Variants in RGS9 observed in about 807,000 individuals in gnomAD.
RGS9 encodes the protein regulator of G protein signaling 9.
RGS9 carries 78 observed loss-of-function variants against 102.0 expected under a neutral mutation model. The ratio of observed to expected loss-of-function variants is 0.76; its 90% CI spans 0.64 to 0.92. RGS9 has a LOEUF of 0.92. RGS9 is among the 40% of genes least tolerant of loss of function. The pLI is 0.00. For missense variants in RGS9, 833 were observed against 866.1 expected (o/e 0.96, Z 0.48); for synonymous variants, 353 against 318.6 (o/e 1.11, Z -1.15).
Position 65,207,950 on chromosome 17 carries a change from C to T in RGS9, c.1232C>T (p.Pro411Leu), listed in dbSNP as rs1370442160. The T allele has an allele frequency of 1.2e-6, 2 of 1,612,688 alleles. No individual in the cohort carries two copies. The highest frequency in any genetic ancestry group is 1.7e-5 in the Admixed American group (1 of 59,966). ...TCTTATGCTCGCTATTTAAAATCTC[C>T]GATCTATAAGGACATGCTGGCCAAA... Reference protein sequence around the residue: ...KDSYARYLKSPIYKDMLAKAI... With the variant: ...KDSYARYLKSLIYKDMLAKAI... The change falls in exon 16 of 19, where the codon CCG becomes CTG. Residue 411 changes from proline to leucine, a missense_variant. Physicochemically the swap from Pro to Leu is moderately conservative, Grantham distance 98. Coordinates refer to ENST00000262406, the MANE Select transcript of RGS9 (RefSeq NM_003835.4).
chr17:65,183,095 TCTATCTATCTATCTAC>T (rs1237200435), intron 9 of RGS9, among the ~76,000 whole-genome samples: 4 of 151,278 alleles, frequency 2.6e-5, no homozygotes, highest in South Asian at 2.1e-4. Context: ...TATCTATCTA[TCTATCTATCTATCTAC>T]CTACCTACCT....
chr17:65,141,298 C>T (rs1053865490), intron 1 of RGS9, among the ~76,000 whole-genome samples: 1 of 152,210 alleles, frequency 6.6e-6, no homozygotes. Flanking sequence ...GACTCTTGTT[C>T]TGGGGATGGC....
At chr17:65,152,211 G>A (rs1330839681) in intron 1 of RGS9, among the ~76,000 whole-genome samples, 2 of 152,192 alleles carry the variant, frequency 1.3e-5, no homozygotes, top group Non-Finnish European at 2.9e-5. Context: ...GACTGGCCCA[G>A]GTAGAGGGAA....
chr17:65,147,780 G>A (rs1414355173), intron 1 of RGS9, among the ~76,000 whole-genome samples: 2 of 151,536 alleles, frequency 1.3e-5, no homozygotes, highest in Non-Finnish European at 2.9e-5. Flanking sequence ...TTGTAGAGAC[G>A]GGGTTTTACC....
chr17:65,226,766 C>T (rs547094482), intron 18 of RGS9, among the ~76,000 whole-genome samples: 6 of 152,276 alleles, frequency 3.9e-5, no homozygotes, highest in African/African-American at 1.4e-4. Context: ...GCACATGCCA[C>T]CACGCCCGGC....
At chr17:65,171,093 G>A (rs190817829) in intron 8 of RGS9, among the ~76,000 whole-genome samples, 6 of 152,218 alleles carry the variant, frequency 3.9e-5, no homozygotes, top group Admixed American at 3.3e-4. Flanking sequence ...GGAGTGTCGC[G>A]GCCACTCCGT....
At chr17:65,171,135 A>T (rs1911405695) in intron 8 of RGS9, among the ~76,000 whole-genome samples, 2 of 152,178 alleles carry the variant, frequency 1.3e-5, no homozygotes, top group Non-Finnish European at 2.9e-5. Context: ...GTAGAGTGAG[A>T]CGTGGCCTGC....
chr17:65,137,974 TTTTAAAG>T (rs1369083162), intron 1 of RGS9, among the ~76,000 whole-genome samples: 1 of 152,170 alleles, frequency 6.6e-6, no homozygotes, highest in East Asian at 1.9e-4. Flanking sequence ...AACTGCACTA[TTTTAAAG>T]TGTGTGTGTG....
chr17:65,147,563 A>ATCAT (rs1049877388), intron 1 of RGS9, among the ~76,000 whole-genome samples: 3 of 127,984 alleles, frequency 2.3e-5, no homozygotes, highest in African/African-American at 1.3e-4. Context: ...ATGCACCTGG[A>ATCAT]TCATTCTCTC....
intron 17 of RGS9, among the ~76,000 whole-genome samples, chr17:65,211,470 G>T (rs747146885): frequency 6.6e-6 from 1 of 152,238 alleles, no homozygotes; most frequent in Admixed American, 6.5e-5. Flanking sequence ...TTCATGGGAA[G>T]AGGATGGTAG....
At chr17:65,217,072 G>A (rs1352740408) in intron 17 of RGS9, among the ~76,000 whole-genome samples, 1 of 152,170 alleles carries the variant, frequency 6.6e-6, no homozygotes, top group Admixed American at 6.5e-5. Flanking sequence ...GAACGGAGTG[G>A]CAGAGCTGTT....
chr17:65,225,307 G>T lies in RGS9; in HGVS notation c.1713G>T (p.Arg571Ser). ...CCTCCTGGCCTCGCAGCCGGCCCAG[G>T]GCCCCTCCTAAGGCCCGCATGGCTC... ...LDTSWPRSRP[R>S]APPKARMALS... The change falls in exon 18 of 19, where the codon AGG becomes AGT. Residue 571 changes from arginine to serine, a missense_variant. Coordinates refer to ENST00000262406, the MANE Select transcript of RGS9 (RefSeq NM_003835.4). 1 of 1,610,014 alleles carries T rather than the reference G, an allele frequency of 6.2e-7. No individual in the cohort carries two copies. The highest frequency in any genetic ancestry group is 1.1e-5 in the South Asian group (1 of 91,082).
rs184885655 is a variant in RGS9 at position 65,186,090 on chromosome 17, T to A, written c.655-3196T>A. On this transcript the variant is annotated intron_variant, in intron 9 of 18. Transcript: ENST00000262406. ...CAGCACGATTCTGCACCATCATGAG[T>A]GTTAAGGACAGAGTGTTTCTGGTAC... 9.2e-4 allele frequency among the ~76,000 whole-genome samples: 140 copies of A among 152,178 alleles called. 1 individual carries two copies. The highest frequency in any genetic ancestry group is 3.2e-3 in the African/African-American group (132 of 41,458).
chr17:65,182,887 C>T (rs890570410), intron 9 of RGS9, among the ~76,000 whole-genome samples: 3 of 152,208 alleles, frequency 2.0e-5, no homozygotes, highest in African/African-American at 7.2e-5. Context: ...GAATTCCTTA[C>T]ACTTTTTTTC....
Position 65,193,678 on chromosome 17 carries a change from GT to G in RGS9, c.860+28del, listed in dbSNP as rs546503282. 96 of 1,516,392 alleles carry G rather than the reference GT, an allele frequency of 6.3e-5. 1 individual carries two copies. In the South Asian group the frequency reaches 9.3e-4, roughly 15 times the overall value. 93.9% of individuals were successfully genotyped at this position (1,516,392 alleles called of 1,614,324 possible). On this transcript the variant is annotated intron_variant, in intron 12 of 18. Transcript: ENST00000262406. ...AATTGTATGTATTTTATATATTGGT[GT>G]TTTTTAAAAAACCGTTTTTGAGTTA...
At chr17:65,224,051 T>TGGGCTTCATGCC (rs1194940256) in intron 17 of RGS9, among the ~76,000 whole-genome samples, 33 of 152,272 alleles carry the variant, frequency 2.2e-4, no homozygotes, top group Admixed American at 9.1e-4. Context: ...GCCACCATGC[T>TGGGCTTCATGCC]GGGCTTCATG....
rs773655290 is a variant in RGS9 at position 65,193,619 on chromosome 17, A to G, written c.823A>G (p.Thr275Ala). 9 of 1,613,806 alleles carry G rather than the reference A, an allele frequency of 5.6e-6. No individual in the cohort carries two copies. The Admixed American group carries it at 8.3e-5, about 15-fold the overall frequency. ...CTGCCTCCCCAGCAACCCCTGGATCACCGATGACACCCAGTTCTGGGACTT... is the reference window on the plus strand; with the variant it reads ...CTGCCTCCCCAGCAACCCCTGGATCGCCGATGACACCCAGTTCTGGGACTT... ...SGCLPSNPWITDDTQFWDLNA... is the reference protein window; with the variant it reads ...SGCLPSNPWIADDTQFWDLNA... The change falls in exon 12 of 19, where the codon ACC becomes GCC. Residue 275 changes from threonine to alanine, a missense_variant. By Grantham distance (58) the Thr-to-Ala change is moderately conservative (BLOSUM62 0). Coordinates refer to ENST00000262406, the MANE Select transcript of RGS9 (RefSeq NM_003835.4).
intron 7 of RGS9, among the ~76,000 whole-genome samples, chr17:65,164,124 C>A (rs751318860): frequency 6.6e-6 from 1 of 152,140 alleles, no homozygotes; most frequent in Non-Finnish European, 1.5e-5. Flanking sequence ...CAAGGTTAGC[C>A]TATCATTACA....
rs1372511884 is a variant in RGS9 at position 65,201,982 on chromosome 17, T to C, written c.977-11T>C. 1 of 1,602,954 alleles carries C rather than the reference T, an allele frequency of 6.2e-7. No homozygotes were observed. The highest frequency in any genetic ancestry group is 1.1e-5 in the South Asian group (1 of 90,854). On this transcript the variant is annotated splice_polypyrimidine_tract_variant and intron_variant, in intron 13 of 18. Coordinates refer to ENST00000262406, the MANE Select transcript of RGS9 (RefSeq NM_003835.4). ...CCCGGCCCTCATCCACGTGGACTTC[T>C]CACCATGCAGGAGAGAATCTGGGAT...
Sources: allele counts gnomAD v4.1 joint callset (sites outside exome capture counted in the v4.1 genomes callset), GRCh38; gene constraint gnomAD v4.1.1; transcripts MANE v1.5; gene names NCBI Gene and HGNC (gene_info 2026-07-23, HGNC 2026-07-21).